The following KCNIP4 variants were observed in gnomAD, a reference collection of about 807,000 sequenced individuals.
KCNIP4 encodes the protein Kv channel-interacting protein 4.
In KCNIP4, 12 loss-of-function variants were observed where a neutral mutation model predicts 34.0. The ratio of observed to expected loss-of-function variants is 0.35; its 90% confidence interval spans 0.23 to 0.57. The LOEUF (loss-of-function observed/expected upper bound fraction) is 0.57, where lower values mean the gene tolerates loss of function less well. Among genes scored for constraint, KCNIP4 ranks in the 20% least tolerant of loss-of-function variants. The probability of loss-of-function intolerance (pLI) is 0.83; values close to 1 mark genes in which losing one functional copy is unlikely to be tolerated. For synonymous variants in KCNIP4, 124 were observed against 102.2 expected, an observed-to-expected ratio of 1.21 and a Z score of -1.29; for missense variants, 238 against 311.7, an observed-to-expected ratio of 0.76 and a Z score of 1.78.
At chr4:21,206,793 A>G (rs1156581130) in intron 1 of KCNIP4, among the ~76,000 whole-genome samples, 1 of 152,226 alleles carries the variant, frequency 6.6e-6, no homozygotes, top group Non-Finnish European at 1.5e-5. Context: ...TGATCTTTAG[A>G]GAAGTTAAGC....
At chr4:21,689,078 A>G (rs1330546580) in intron 1 of KCNIP4, among the ~76,000 whole-genome samples, 1 of 152,098 alleles carries the variant, frequency 6.6e-6, no homozygotes, top group Admixed American at 6.6e-5. Flanking sequence ...ACTGGGAATC[A>G]TGAAGAAATA....
chr4:21,552,036 TTTA>T (rs1738625446), intron 1 of KCNIP4, among the ~76,000 whole-genome samples: 1 of 114,772 alleles, frequency 8.7e-6, no homozygotes, highest in Non-Finnish European at 1.8e-5. Flanking sequence ...GAGAGCTTTT[TTTA>T]AAAAAAAAAA....
chr4:21,273,234 C>T (rs1353258840), intron 1 of KCNIP4, among the ~76,000 whole-genome samples: 1 of 151,926 alleles, frequency 6.6e-6, no homozygotes, highest in Non-Finnish European at 1.5e-5. Context: ...AAGTGTCTGC[C>T]CCACTACACC....
At chr4:21,340,458 T>C (rs1430293157) in intron 1 of KCNIP4, among the ~76,000 whole-genome samples, 2 of 152,142 alleles carry the variant, frequency 1.3e-5, no homozygotes, top group Admixed American at 6.6e-5. Context: ...GAACTTGATT[T>C]ATGTTATGTC....
intron 1 of KCNIP4, among the ~76,000 whole-genome samples, chr4:21,863,662 G>T (rs1725242555): frequency 1.3e-5 from 2 of 152,162 alleles, no homozygotes; most frequent in Admixed American, 1.3e-4. Context: ...AGGGCTTAGA[G>T]CAGGAGAAGA....
chr4:21,437,831 C>A (rs1185886040), intron 1 of KCNIP4, among the ~76,000 whole-genome samples: 1 of 150,954 alleles, frequency 6.6e-6, no homozygotes, highest in Non-Finnish European at 1.5e-5. Flanking sequence ...AAGTGATTAG[C>A]CAACATGAAG....
chr4:20,895,797 G>A (rs1479662387), intron 1 of KCNIP4, among the ~76,000 whole-genome samples: 1 of 152,178 alleles, frequency 6.6e-6, no homozygotes, highest in African/African-American at 2.4e-5. Flanking sequence ...CACCAAGGTG[G>A]CTTTAAAAAA....
chr4:21,643,489 T>C (rs1048641656), intron 1 of KCNIP4, among the ~76,000 whole-genome samples: 3 of 152,186 alleles, frequency 2.0e-5, no homozygotes, highest in African/African-American at 7.2e-5. Flanking sequence ...AATGGACTCA[T>C]GATGGTTAAT....
intron 3 of KCNIP4, among the ~76,000 whole-genome samples, chr4:20,793,750 G>A (rs994567814): frequency 2.0e-5 from 3 of 151,952 alleles, no homozygotes; most frequent in African/African-American, 7.3e-5. Flanking sequence ...GGAGCCCTGA[G>A]CTTGTTTTCC....
At chr4:20,756,073 T>C (rs1010051508) in intron 4 of KCNIP4, among the ~76,000 whole-genome samples, 2 of 151,908 alleles carry the variant, frequency 1.3e-5, no homozygotes, top group African/African-American at 4.8e-5. Context: ...GAGTAGACCA[T>C]GGTTAGGGGA....
At chr4:21,052,278 T>C (rs1474162430) in intron 1 of KCNIP4, among the ~76,000 whole-genome samples, 1 of 152,202 alleles carries the variant, frequency 6.6e-6, no homozygotes, top group Non-Finnish European at 1.5e-5. Context: ...CTTCTTTTAA[T>C]ATCCCTGAAC....
At chr4:21,347,927 G>T (rs1342397136) in intron 1 of KCNIP4, among the ~76,000 whole-genome samples, 1 of 152,158 alleles carries the variant, frequency 6.6e-6, no homozygotes, top group African/African-American at 2.4e-5. Context: ...AAAGCTTAAA[G>T]GCTTCCACTG....
chr4:21,519,400 G>GTGTGTATATGTA (rs1184522779), intron 1 of KCNIP4, among the ~76,000 whole-genome samples: 7 of 150,182 alleles, frequency 4.7e-5, no homozygotes, highest in African/African-American at 1.7e-4. Flanking sequence ...ATATACATAT[G>GTGTGTATATGTA]TGTGTATATG....
At chr4:20,944,402 A>T (rs1018980139) in intron 1 of KCNIP4, among the ~76,000 whole-genome samples, 1 of 152,228 alleles carries the variant, frequency 6.6e-6, no homozygotes, top group Non-Finnish European at 1.5e-5. Flanking sequence ...ACTCAAGGTG[A>T]CTACTGAGCA....
intron 1 of KCNIP4, among the ~76,000 whole-genome samples, chr4:20,962,099 T>A (rs1446418401): frequency 6.6e-6 from 1 of 152,224 alleles, no homozygotes; most frequent in Non-Finnish European, 1.5e-5. Context: ...AATTTCCTGC[T>A]GTGCTCAATT....
At chr4:21,250,800 T>A (rs1760644423) in intron 1 of KCNIP4, among the ~76,000 whole-genome samples, 2 of 151,818 alleles carry the variant, frequency 1.3e-5, no homozygotes. Flanking sequence ...TGGGAAAGGC[T>A]GTATTTTCTT....
At chr4:20,816,378 T>C (rs1207541349) in intron 3 of KCNIP4, among the ~76,000 whole-genome samples, 3 of 152,152 alleles carry the variant, frequency 2.0e-5, no homozygotes, top group African/African-American at 7.2e-5. Context: ...TTGTCTCTTC[T>C]TCAGAGATGT....
At chr4:21,942,243 C>T (rs1730244210) in intron 1 of KCNIP4, among the ~76,000 whole-genome samples, 1 of 152,174 alleles carries the variant, frequency 6.6e-6, no homozygotes, top group African/African-American at 2.4e-5. Flanking sequence ...AAGGATCTAT[C>T]ATCTGATGAG....
At chr4:20,753,572 CTTT>C (rs911802535) in intron 4 of KCNIP4, among the ~76,000 whole-genome samples, 13 of 152,130 alleles carry the variant, frequency 8.5e-5, no homozygotes, top group Admixed American at 8.5e-4. Flanking sequence ...TGGTTTATTT[CTTT>C]TTCCTTTCCC....
Sources: allele counts gnomAD v4.1 joint callset (sites outside exome capture counted in the v4.1 genomes callset), GRCh38; gene constraint gnomAD v4.1.1; transcripts MANE v1.5; gene names NCBI Gene and HGNC (gene_info 2026-07-23, HGNC 2026-07-21).